SLC38A1: variants seen among roughly 807,000 people sequenced by gnomAD.
SLC38A1 encodes solute carrier family 38 member 1.
A neutral mutation model predicts 60.3 loss-of-function variants in SLC38A1; 18 were observed. That is an observed-to-expected ratio of 0.30 (90% CI 0.21 to 0.44). The LOEUF is 0.44. SLC38A1 is among the 20% of genes least tolerant of loss of function. The pLI is 1.00. For missense variants in SLC38A1, 448 were observed against 587.2 expected, an observed-to-expected ratio of 0.76 and a Z score of 2.45; for synonymous variants, 196 against 212.1, an observed-to-expected ratio of 0.92 and a Z score of 0.66.
At chr12:46,207,005 C>A in intron 8 of SLC38A1, 150 bp downstream of exon 8, 1 of 600,172 alleles carries the variant, frequency 1.7e-6, no homozygotes. Flanking sequence ...CTTTATATAG[C>A]CCCAAAGAAA....
At chr12:46,203,186 C>G in intron 11 of SLC38A1, 97 bp from the exon 12 acceptor site, 3 of 962,828 alleles carry the variant, frequency 3.1e-6, no homozygotes, top group Non-Finnish European at 3.2e-6. Flanking sequence ...TCTGACAGCT[C>G]TTCAGAATCC....
chr12:46,201,413 C>T (rs1342127635), intron 12 of SLC38A1, among the ~76,000 whole-genome samples: 1 of 152,178 alleles, frequency 6.6e-6, no homozygotes, highest in Non-Finnish European at 1.5e-5. Flanking sequence ...CTCCCGTTAG[C>T]GTTCTTCCCC....
At chr12:46,196,053 A>G (rs773070423) in intron 16 of SLC38A1, 11 of 1,214,424 alleles carry the variant, frequency 9.1e-6, no homozygotes, top group Non-Finnish European at 1.3e-5. Context: ...TGGGAGCTGC[A>G]GACCAGAGCT....
At position 46,194,508 on chromosome 12, in the gene SLC38A1, A is replaced by C. The variant is rs561114419; in HGVS notation, c.1362+3212T>G. 4.6e-5 allele frequency among the ~76,000 whole-genome samples: 7 copies of C among 152,296 alleles called. No individual in the cohort carries two copies. In the South Asian group the frequency reaches 1.5e-3, roughly 32 times the overall value. On this transcript the variant is annotated intron_variant, in intron 16 of 16. Coordinates refer to ENST00000398637, the MANE Select transcript of SLC38A1 (RefSeq NM_030674.4). Reference sequence around the variant, plus strand: ...TGCTAGATTGGGGAAGTTCTCCTCGATAGTATCCTGAAGAGTGTTTTCTAA... The same window carrying C: ...TGCTAGATTGGGGAAGTTCTCCTCGCTAGTATCCTGAAGAGTGTTTTCTAA...
chr12:46,255,714 T>C (rs1023774719), intron 1 of SLC38A1, among the ~76,000 whole-genome samples: 1 of 152,238 alleles, frequency 6.6e-6, no homozygotes, highest in African/African-American at 2.4e-5. Flanking sequence ...ATTTTAATTA[T>C]GTACTAGGTG....
At chr12:46,250,783 A>C (rs999052270) in intron 1 of SLC38A1, among the ~76,000 whole-genome samples, 10 of 152,202 alleles carry the variant, frequency 6.6e-5, no homozygotes, top group Non-Finnish European at 1.5e-4. Flanking sequence ...TCCAACTTAC[A>C]AGGGATGTGA....
At chr12:46,194,016 T>G (rs1465795867) in intron 16 of SLC38A1, among the ~76,000 whole-genome samples, 1 of 152,220 alleles carries the variant, frequency 6.6e-6, no homozygotes, top group African/African-American at 2.4e-5. Context: ...TTGATGCAGT[T>G]TTTTCATAGA....
intron 16 of SLC38A1, among the ~76,000 whole-genome samples, chr12:46,190,312 C>T (rs1046543418): frequency 6.6e-6 from 1 of 152,166 alleles, no homozygotes; most frequent in Non-Finnish European, 1.5e-5. Flanking sequence ...TGTACATGTG[C>T]CACATTTTCT....
chr12:46,232,350 A>C (rs1941109217), intron 3 of SLC38A1, among the ~76,000 whole-genome samples: 1 of 152,272 alleles, frequency 6.6e-6, no homozygotes, highest in Non-Finnish European at 1.5e-5. Flanking sequence ...GACTGGGATT[A>C]GCCAGAGGAA....
rs1938966900 is a variant in SLC38A1 at position 46,187,225 on chromosome 12, T to A, written c.*1745A>T. ...TATGGGACAGTAGTGTGATTCTCAG[T>A]GAGAGTGAAGGCCTTTGGGGATTTG... is the stretch of plus-strand genomic sequence containing the variant. On this transcript the variant is annotated 3_prime_UTR_variant, in exon 17 of 17. Transcript: ENST00000398637. The A allele has an allele frequency of 6.6e-6, 1 of 152,290 alleles. No homozygotes were observed. The highest frequency in any genetic ancestry group is 2.4e-5 in the African/African-American group (1 of 41,560). The allele number at this position is 152,290 out of a possible 1,614,324, so 9.4% of individuals were successfully genotyped here. A position where few individuals can be genotyped will look rare whatever the true frequency, so the allele number is the denominator to read the frequency against.
At chr12:46,230,875 T>C (rs940647723) in intron 3 of SLC38A1, among the ~76,000 whole-genome samples, 2 of 152,206 alleles carry the variant, frequency 1.3e-5, no homozygotes, top group Non-Finnish European at 2.9e-5. Context: ...ACAGTCTCTA[T>C]GGAAAACAGT....
chr12:46,255,714 T>G (rs1023774719), intron 1 of SLC38A1, among the ~76,000 whole-genome samples: 1 of 152,238 alleles, frequency 6.6e-6, no homozygotes, highest in Non-Finnish European at 1.5e-5. Flanking sequence ...ATTTTAATTA[T>G]GTACTAGGTG....
At chr12:46,212,860 G>T (rs764578539) in intron 5 of SLC38A1, among the ~76,000 whole-genome samples, 2 of 152,152 alleles carry the variant, frequency 1.3e-5, no homozygotes, top group Non-Finnish European at 2.9e-5. Flanking sequence ...TCTGTGCTTG[G>T]AACTGAGGCT....
intron 1 of SLC38A1, among the ~76,000 whole-genome samples, chr12:46,247,237 A>C (rs1166402129): frequency 6.6e-6 from 1 of 152,216 alleles, no homozygotes; most frequent in East Asian, 1.9e-4. Context: ...AAACTTCTCC[A>C]AGCTAAAGGA....
chr12:46,228,952 A>G (rs889755239), intron 5 of SLC38A1, among the ~76,000 whole-genome samples: 4 of 152,176 alleles, frequency 2.6e-5, no homozygotes, highest in African/African-American at 9.7e-5. Context: ...TAATAAAAAG[A>G]TTTTCTCCTT....
intron 3 of SLC38A1, among the ~76,000 whole-genome samples, chr12:46,236,573 ACT>A (rs1300147350): frequency 1.3e-5 from 2 of 151,984 alleles, no homozygotes; most frequent in African/African-American, 2.4e-5. Flanking sequence ...CATGTACTTT[ACT>A]CTCTCTCTCA....
chr12:46,255,947 A>G (rs1942005067), intron 1 of SLC38A1, among the ~76,000 whole-genome samples: 1 of 152,102 alleles, frequency 6.6e-6, no homozygotes, highest in African/African-American at 2.4e-5. Flanking sequence ...GTGGATCACA[A>G]GGTCAGGAGA....
At chr12:46,200,368 T>A (rs1939598603) in intron 13 of SLC38A1, among the ~76,000 whole-genome samples, 1 of 151,776 alleles carries the variant, frequency 6.6e-6, no homozygotes, top group African/African-American at 2.4e-5. Flanking sequence ...GTGAAATACA[T>A]ACATATATAT....
rs928997136 is a variant in SLC38A1, at chr12:46,186,374, G to A, written c.*2596C>T. On this transcript the variant is annotated 3_prime_UTR_variant, in exon 17 of 17. Transcript: ENST00000398637. ...GAGATCCTACCTACCAAAGGAAAAC[G>A]TGCTGCTCCCCATGCCTAGGGTATA... The A allele has an allele frequency of 6.6e-6, 1 of 152,170 alleles. No homozygotes were observed. The highest frequency in any genetic ancestry group is 1.5e-5 in the Non-Finnish European group (1 of 68,034). The allele number at this position is 152,170 out of a possible 1,614,324, so 9.4% of individuals were successfully genotyped here.
Sources: allele counts gnomAD v4.1 joint callset (sites outside exome capture counted in the v4.1 genomes callset), GRCh38; gene constraint gnomAD v4.1.1; transcripts MANE v1.5; gene names NCBI Gene and HGNC (gene_info 2026-07-23, HGNC 2026-07-21).